The following SYNPR variants were observed in gnomAD, a reference collection of about 807,000 sequenced individuals.
SYNPR encodes synaptoporin.
SYNPR carries 23 observed loss-of-function variants against 32.9 expected under a neutral mutation model. The ratio of observed to expected loss-of-function variants is 0.70; its 90% confidence interval spans 0.50 to 0.99. The LOEUF (loss-of-function observed/expected upper bound fraction) is 0.99, where lower values mean the gene tolerates loss of function less well. Ranked by LOEUF, SYNPR falls within the 50% of genes least tolerant of loss-of-function variation. The probability of loss-of-function intolerance (pLI) is 0.00; values close to 1 mark genes in which losing one functional copy is unlikely to be tolerated. For synonymous variants in SYNPR, 146 were observed against 135.9 expected (o/e 1.07, Z -0.52); for missense variants, 318 against 349.3 (o/e 0.91, Z 0.71).
intron 2 of SYNPR, among the ~76,000 whole-genome samples, chr3:63,350,213 T>TACACACACACAC (rs67609911): frequency 2.1e-5 from 3 of 144,732 alleles, no homozygotes; most frequent in African/African-American, 7.7e-5. Flanking sequence ...AATATTATTC[T>TACACACACACAC]ACACACACAC....
At chr3:63,578,352 A>T (rs963673406) in intron 4 of SYNPR, among the ~76,000 whole-genome samples, 6 of 152,312 alleles carry the variant, frequency 3.9e-5, no homozygotes, top group East Asian at 1.9e-4. Flanking sequence ...TTTTGTCATC[A>T]GCCAAGCTGA....
chr3:63,319,524 A>G (rs1432821008), intron 2 of SYNPR, among the ~76,000 whole-genome samples: 1 of 151,152 alleles, frequency 6.6e-6, no homozygotes, highest in Admixed American at 6.6e-5. Flanking sequence ...CACAATAGCA[A>G]CTAATATTAA....
At chr3:63,251,048 T>G (rs1560168463) in intron 1 of SYNPR, among the ~76,000 whole-genome samples, 1 of 151,646 alleles carries the variant, frequency 6.6e-6, no homozygotes, top group Non-Finnish European at 1.5e-5. Context: ...CTCTGGGGAG[T>G]GGGACAGAAA....
At chr3:63,470,123 A>G (rs557619059) in intron 2 of SYNPR, among the ~76,000 whole-genome samples, 1 of 152,348 alleles carries the variant, frequency 6.6e-6, no homozygotes, top group East Asian at 1.9e-4. Flanking sequence ...CTTAGTGGTT[A>G]CAACTAATAA....
At chr3:63,301,631 G>C (rs1405482061) in intron 2 of SYNPR, among the ~76,000 whole-genome samples, 1 of 151,092 alleles carries the variant, frequency 6.6e-6, no homozygotes, top group East Asian at 1.9e-4. Flanking sequence ...TGAATCTTCT[G>C]AAAATGACAT....
chr3:63,314,099 C>CCATATATATATATATCCATATATATAT (rs1560189224), intron 2 of SYNPR, among the ~76,000 whole-genome samples: 4 of 111,276 alleles, frequency 3.6e-5, no homozygotes, highest in Admixed American at 1.1e-4. Flanking sequence ...ATATATATAT[C>CCATATATATATATATCCATATATATAT]ACAGTTTCTT....
chr3:63,269,326 T>G (rs1021293486), intron 3 of SYNPR, among the ~76,000 whole-genome samples: 4 of 151,986 alleles, frequency 2.6e-5, no homozygotes, highest in Non-Finnish European at 4.4e-5. Flanking sequence ...CCATCTCTAC[T>G]AAAAATACAA....
At chr3:63,541,783 A>G (rs1702308395) in intron 3 of SYNPR, among the ~76,000 whole-genome samples, 2 of 152,126 alleles carry the variant, frequency 1.3e-5, no homozygotes, top group Non-Finnish European at 2.9e-5. Flanking sequence ...ACATAGAAAA[A>G]GCAAAACTAA....
the SYNPR span, among the ~76,000 whole-genome samples, chr3:63,220,264 C>T: frequency 6.6e-6 from 1 of 152,164 alleles, no homozygotes; most frequent in African/African-American, 2.4e-5. Flanking sequence ...AAACAGTCAA[C>T]AAAATTAAAA....
Position 63,615,524 on chromosome 3 carries a change from C to T in SYNPR, c.*43C>T. 3 of 1,578,076 alleles carry T rather than the reference C, an allele frequency of 1.9e-6. No individual in the cohort carries two copies. Among genetic ancestry groups the T allele is most frequent in the East Asian group, 2.2e-5 (1 of 44,458 alleles). ...TCTTCTGCAGTCGCCTCACCATCTT[C>T]CATTTCAGTGGCAGAAGAATTTTTT... On this transcript the variant is annotated 3_prime_UTR_variant, in exon 6 of 6. Coordinates refer to ENST00000478300, the MANE Select transcript of SYNPR (RefSeq NM_001130003.2).
intron 1 of SYNPR, among the ~76,000 whole-genome samples, chr3:63,239,640 C>A (rs1308799641): frequency 1.3e-5 from 2 of 151,638 alleles, no homozygotes; most frequent in African/African-American, 4.8e-5. Flanking sequence ...ACACACCCAT[C>A]CTACCATTGT....
chr3:63,517,477 A>G (rs1268180500), intron 3 of SYNPR, among the ~76,000 whole-genome samples: 2 of 152,178 alleles, frequency 1.3e-5, no homozygotes, highest in Non-Finnish European at 2.9e-5. Flanking sequence ...GGACACTTCT[A>G]GTATAGACAT....
At chr3:63,608,026 T>C (rs1397506004) in intron 4 of SYNPR, among the ~76,000 whole-genome samples, 1 of 152,230 alleles carries the variant, frequency 6.6e-6, no homozygotes, top group Non-Finnish European at 1.5e-5. Context: ...ACTTTTTTTC[T>C]TTCCTGGTCG....
In SYNPR at chr3:63,480,935, T is replaced by C; in HGVS notation, c.188T>C (p.Ile63Thr). The stretch of plus-strand genomic sequence containing the variant: ...ACAGAAAGTAACCTCAGCATCGACA[T>C]AGCGTTTGCCTACCCATTCAGGTAG... Reference protein sequence around the residue: ...NKTESNLSIDIAFAYPFRLHQ... With the variant: ...NKTESNLSIDTAFAYPFRLHQ... Residue 63 changes from isoleucine (I) to threonine (T), a missense_variant, in exon 3 of 6, where the codon ATA becomes ACA. Physicochemically the swap from Ile to Thr is moderately conservative, Grantham distance 89. Coordinates refer to ENST00000478300, the MANE Select transcript of SYNPR (RefSeq NM_001130003.2). The C allele has an allele frequency of 6.2e-7, 1 of 1,612,962 alleles. No individual in the cohort carries two copies. Among genetic ancestry groups the C allele is most frequent in the Non-Finnish European group, 8.5e-7 (1 of 1,179,206 alleles).
At chr3:63,598,715 G>T (rs1699996297) in intron 4 of SYNPR, among the ~76,000 whole-genome samples, 1 of 152,124 alleles carries the variant, frequency 6.6e-6, no homozygotes, top group Non-Finnish European at 1.5e-5. Context: ...ACAAAAGTAT[G>T]AGCACCTTTT....
intron 4 of SYNPR, among the ~76,000 whole-genome samples, chr3:63,557,392 G>A (rs1702613597): frequency 6.6e-6 from 1 of 151,928 alleles, no homozygotes; most frequent in African/African-American, 2.4e-5. Context: ...ATATTTTACT[G>A]TCATCTTTCT....
At chr3:63,418,397 G>A (rs1290718875) in intron 2 of SYNPR, among the ~76,000 whole-genome samples, 1 of 152,104 alleles carries the variant, frequency 6.6e-6, no homozygotes, top group African/African-American at 2.4e-5. Context: ...ATTTTCCTGT[G>A]TTCTTCTGAG....
chr3:63,320,938 C>T (rs2087105233), intron 2 of SYNPR, among the ~76,000 whole-genome samples: 3 of 152,146 alleles, frequency 2.0e-5, no homozygotes, highest in South Asian at 4.1e-4. Flanking sequence ...TTTCCTCTGC[C>T]TTTGATTATG....
the SYNPR span, among the ~76,000 whole-genome samples, chr3:63,209,108 T>C: frequency 2.0e-5 from 3 of 152,040 alleles, no homozygotes; most frequent in Admixed American, 6.6e-5. Context: ...GGCATCCTTT[T>C]ATGTTTTAAA....
Sources: allele counts gnomAD v4.1 joint callset (sites outside exome capture counted in the v4.1 genomes callset), GRCh38; gene constraint gnomAD v4.1.1; transcripts MANE v1.5; gene names NCBI Gene and HGNC (gene_info 2026-07-23, HGNC 2026-07-21).